The following SCAPER variants were observed in gnomAD, a reference collection of about 807,000 sequenced individuals.
SCAPER encodes the protein S phase cyclin A-associated protein in the endoplasmic reticulum.
SCAPER carries 98 observed loss-of-function variants against 182.2 expected under a neutral mutation model. The observed-to-expected ratio is 0.54, with a 90% CI of 0.46 to 0.64. The LOEUF is 0.64. Among genes scored for constraint, SCAPER ranks in the 30% least tolerant of loss-of-function variants. The probability of loss-of-function intolerance (pLI) is 0.00; values close to 1 mark genes in which losing one functional copy is unlikely to be tolerated. For missense variants in SCAPER, 1,432 were observed against 1,690.0 expected (o/e 0.85, Z 2.68); for synonymous variants, 605 against 564.6 (o/e 1.07, Z -1.01).
intron 5 of SCAPER, among the ~76,000 whole-genome samples, 175 bp from the exon 6 acceptor site, chr15:76,804,808 A>C (rs974837228): frequency 6.6e-6 from 1 of 152,196 alleles, no homozygotes; most frequent in African/African-American, 2.4e-5. Context: ...AATAAGAAAT[A>C]TAATAGGTTG....
chr15:76,376,077 C>A (rs2042545614), intron 29 of SCAPER, 85 bp downstream of exon 29: 2 of 1,539,518 alleles, frequency 1.3e-6, no homozygotes, highest in East Asian at 4.5e-5. Flanking sequence ...TGGGTTCCAG[C>A]CCGCTAGCCT....
intron 15 of SCAPER, among the ~76,000 whole-genome samples, chr15:76,737,263 T>C (rs1267517703): frequency 6.6e-6 from 1 of 152,260 alleles, no homozygotes; most frequent in Non-Finnish European, 1.5e-5. Flanking sequence ...ATCCATGGAC[T>C]GCAGAGTGGA....
intron 29 of SCAPER, among the ~76,000 whole-genome samples, chr15:76,366,086 TACA>T (rs1048477722): frequency 6.7e-6 from 1 of 149,540 alleles, no homozygotes; most frequent in African/African-American, 2.5e-5. Flanking sequence ...CTTACACACT[TACA>T]CACACACACA....
At chr15:76,470,043 T>A (rs1267692896) in intron 25 of SCAPER, among the ~76,000 whole-genome samples, 1 of 152,172 alleles carries the variant, frequency 6.6e-6, no homozygotes, top group Non-Finnish European at 1.5e-5. Flanking sequence ...TGTATTTTTG[T>A]TTGCTTTCCC....
intron 24 of SCAPER, among the ~76,000 whole-genome samples, chr15:76,485,795 T>C (rs2051575829): frequency 6.6e-6 from 1 of 152,200 alleles, no homozygotes; most frequent in Non-Finnish European, 1.5e-5. Flanking sequence ...AAAGACTCCC[T>C]ATTCAATAAA....
chr15:76,694,303 T>A (rs190035426), intron 20 of SCAPER, among the ~76,000 whole-genome samples: 59 of 152,282 alleles, frequency 3.9e-4, no homozygotes, highest in Non-Finnish European at 6.8e-4. Flanking sequence ...AAAGACTTTT[T>A]ACCTCCTTGG....
chr15:76,492,730 A>T (rs2052442449), intron 24 of SCAPER, among the ~76,000 whole-genome samples: 1 of 152,152 alleles, frequency 6.6e-6, no homozygotes, highest in Admixed American at 6.5e-5. Context: ...ATAATAAGAA[A>T]ATGTCCTCTC....
chr15:76,588,206 G>C (rs575862677), intron 22 of SCAPER, among the ~76,000 whole-genome samples: 71 of 152,304 alleles, frequency 4.7e-4, no homozygotes, highest in African/African-American at 1.6e-3. Flanking sequence ...ACAGGCGTGA[G>C]CCACCGCGCC....
chr15:76,866,504 C>G (rs1174484816), intron 2 of SCAPER, among the ~76,000 whole-genome samples: 1 of 152,090 alleles, frequency 6.6e-6, no homozygotes, highest in Non-Finnish European at 1.5e-5. Flanking sequence ...GACACACATT[C>G]AAAGAAAAAC....
intron 25 of SCAPER, among the ~76,000 whole-genome samples, chr15:76,466,527 T>C (rs1263509902): frequency 6.7e-6 from 1 of 149,726 alleles, no homozygotes; most frequent in Admixed American, 6.8e-5. Flanking sequence ...GAGGGCTATT[T>C]TGAATTCTTT....
At chr15:76,727,856 A>G (rs376193510) in intron 17 of SCAPER, among the ~76,000 whole-genome samples, 12 of 151,948 alleles carry the variant, frequency 7.9e-5, no homozygotes, top group Middle Eastern at 3.4e-3. Context: ...CATCAATAAG[A>G]AAAAAAAGAC....
At position 76,632,357 on chromosome 15, in the gene SCAPER, C is replaced by CT. The variant is rs199905192; in HGVS notation, c.2646-10529dup. Among the ~76,000 whole-genome samples, 1,255 of 150,918 alleles carry CT rather than the reference C, an allele frequency of 8.3e-3. 13 individuals are homozygous for CT. Among genetic ancestry groups the CT allele is most frequent in the African/African-American group, 0.028 (1,168 of 41,160 alleles). ...GGTGCCTGCCATCAAGCCCGGCTTT[C>CT]TTTTTTTTTGTATTTTTAGTAGAGA... On this transcript the variant is annotated intron_variant, in intron 21 of 31. Coordinates refer to ENST00000563290, the MANE Select transcript of SCAPER (RefSeq NM_020843.4).
intron 28 of SCAPER, among the ~76,000 whole-genome samples, chr15:76,376,517 A>G (rs2042581588): frequency 6.6e-6 from 1 of 152,230 alleles, no homozygotes; most frequent in African/African-American, 2.4e-5. Flanking sequence ...CTGAAAAGGG[A>G]CAGTAGTAGA....
intron 5 of SCAPER, among the ~76,000 whole-genome samples, chr15:76,812,186 T>G (rs1420974336): frequency 6.6e-6 from 1 of 151,900 alleles, no homozygotes; most frequent in Non-Finnish European, 1.5e-5. Flanking sequence ...TGGTGGCAGG[T>G]ACCTGTAATC....
At chr15:76,587,764 T>C (rs1242764062) in intron 22 of SCAPER, among the ~76,000 whole-genome samples, 1 of 152,136 alleles carries the variant, frequency 6.6e-6, no homozygotes, top group African/African-American at 2.4e-5. Context: ...TCTGTGGCTG[T>C]TGGGTAGAAA....
chr15:76,375,867 C>T (rs2042526618), intron 29 of SCAPER, among the ~76,000 whole-genome samples: 2 of 152,156 alleles, frequency 1.3e-5, no homozygotes, highest in Non-Finnish European at 2.9e-5. Flanking sequence ...TGCCTGTAAT[C>T]CCAGCTACTT....
chr15:76,767,192 T>C lies in SCAPER; in HGVS notation c.1249-104A>G, dbSNP rs2063168969. 4 of 1,082,930 alleles carry C rather than the reference T, an allele frequency of 3.7e-6. No individual in the cohort carries two copies. The Admixed American group carries it at 1.2e-4, about 32-fold the overall frequency. 67.1% of individuals were successfully genotyped at this position (1,082,930 alleles called of 1,614,324 possible). ...GAACTCAACAGTATACATAAAATTG[T>C]ATTGATCTAGAATCATAAAAGCTGG... On this transcript the variant is annotated intron_variant, in intron 10 of 31. Transcript: ENST00000563290.
intron 4 of SCAPER, among the ~76,000 whole-genome samples, chr15:76,845,896 C>T (rs2070025505): frequency 6.6e-6 from 1 of 151,730 alleles, no homozygotes; most frequent in African/African-American, 2.4e-5. Flanking sequence ...GGTTATCCTA[C>T]ACGAAAAGAA....
intron 16 of SCAPER, among the ~76,000 whole-genome samples, chr15:76,729,268 A>G (rs1049064164): frequency 1.0e-4 from 14 of 139,946 alleles, no homozygotes; most frequent in African/African-American, 2.1e-4. Flanking sequence ...TTATATATAT[A>G]TACACACACA....
Sources: allele counts gnomAD v4.1 joint callset (sites outside exome capture counted in the v4.1 genomes callset), GRCh38; gene constraint gnomAD v4.1.1; transcripts MANE v1.5; gene names NCBI Gene and HGNC (gene_info 2026-07-23, HGNC 2026-07-21).